The following SIPA1L3 variants were observed in gnomAD, a reference collection of about 807,000 sequenced individuals.
SIPA1L3 encodes signal-induced proliferation-associated 1-like protein 3.
Under a neutral mutation model 150.1 loss-of-function variants are expected in SIPA1L3, and 59 were observed. That is an observed-to-expected ratio of 0.39 (90% CI 0.32 to 0.49). The LOEUF is 0.49. Ranked by LOEUF, SIPA1L3 falls within the 20% of genes least tolerant of loss-of-function variation. SIPA1L3 has a pLI of 0.86. For missense variants in SIPA1L3, 2,211 were observed against 2,489.5 expected, an observed-to-expected ratio of 0.89 and a Z score of 2.38; for synonymous variants, 1,070 against 1,077.6, an observed-to-expected ratio of 0.99 and a Z score of 0.14.
At chr19:38,087,805 T>G (rs1600047491) in intron 3 of SIPA1L3, 1 of 152,120 alleles carries the variant, frequency 6.6e-6, no homozygotes, top group African/African-American at 2.4e-5. Flanking sequence ...GATCACAAGG[T>G]CAGGAGATCG....
chr19:38,036,272 G>A (rs1269573502), intron 2 of SIPA1L3, among the ~76,000 whole-genome samples: 1 of 152,262 alleles, frequency 6.6e-6, no homozygotes, highest in African/African-American at 2.4e-5. Flanking sequence ...TCGGAGGGAA[G>A]GTTGTCAGCC....
chr19:38,173,204 AG>A, intron 15 of SIPA1L3, among the ~76,000 whole-genome samples: 1 of 152,372 alleles, frequency 6.6e-6, no homozygotes, highest in Non-Finnish European at 1.5e-5. Flanking sequence ...GATGGTGGTC[AG>A]CATTCAAAGG....
intron 2 of SIPA1L3, among the ~76,000 whole-genome samples, chr19:38,060,365 T>A (rs1969420333): frequency 6.6e-6 from 1 of 152,242 alleles, no homozygotes; most frequent in Non-Finnish European, 1.5e-5. Flanking sequence ...TATTTGTACA[T>A]TTTGTTTAAT....
intron 1 of SIPA1L3, among the ~76,000 whole-genome samples, chr19:37,995,851 G>A (rs1407009501): frequency 6.6e-6 from 1 of 152,244 alleles, no homozygotes; most frequent in Non-Finnish European, 1.5e-5. Flanking sequence ...CGCTCTGCCA[G>A]CAGGCTGGAG....
chr19:37,930,787 G>T (rs956592458), intron 1 of SIPA1L3, among the ~76,000 whole-genome samples: 8 of 152,072 alleles, frequency 5.3e-5, no homozygotes, highest in Non-Finnish European at 8.8e-5. Flanking sequence ...GTTGTTGGGA[G>T]GATTCGAATG....
intron 2 of SIPA1L3, among the ~76,000 whole-genome samples, chr19:38,074,220 G>C (rs1969786507): frequency 1.3e-5 from 2 of 152,350 alleles, no homozygotes; most frequent in Non-Finnish European, 2.9e-5. Context: ...CTCGACTGCA[G>C]CTGCTAGGAG....
At chr19:38,099,460 TAC>T (rs1970452278) in intron 4 of SIPA1L3, among the ~76,000 whole-genome samples, 1 of 151,814 alleles carries the variant, frequency 6.6e-6, no homozygotes, top group Non-Finnish European at 1.5e-5. Flanking sequence ...GTGTACATAA[TAC>T]AGTGTTACTG....
chr19:38,119,737 T>A lies in SIPA1L3; in HGVS notation c.2723T>A (p.Val908Glu). The change falls in exon 9 of 22, where the codon GTG (valine) becomes GAG (glutamate). Residue 908 changes from valine (V) to glutamate (E), a missense_variant. Coordinates refer to ENST00000222345, the MANE Select transcript of SIPA1L3 (RefSeq NM_015073.3). ...VLLDLRTKEV[V>E]FNCYCGDVIG... ...CTGGACTTACGCACCAAGGAGGTGG[T>A]GTTCAACTGCTACTGCGGGGATGTC... The A allele has an allele frequency of 6.2e-7, 1 of 1,614,074 alleles. No homozygotes were observed. The highest frequency in any genetic ancestry group is 8.5e-7 in the Non-Finnish European group (1 of 1,180,016).
intron 3 of SIPA1L3, among the ~76,000 whole-genome samples, chr19:38,086,307 G>T (rs559484590): frequency 1.3e-5 from 2 of 151,970 alleles, no homozygotes; most frequent in African/African-American, 4.8e-5. Flanking sequence ...TGTTAGGCAG[G>T]TAGGAAGTAC....
chr19:38,138,908 A>AAAAAAAAAAAAC (rs1226989586), intron 10 of SIPA1L3, among the ~76,000 whole-genome samples: 1 of 145,060 alleles, frequency 6.9e-6, no homozygotes, highest in African/African-American at 2.6e-5. Context: ...AAAAAAAAAA[A>AAAAAAAAAAAAC]AAAAAAACTG....
At chr19:37,916,976 G>A (rs548341718) in intron 1 of SIPA1L3, among the ~76,000 whole-genome samples, 1 of 151,804 alleles carries the variant, frequency 6.6e-6, no homozygotes, top group Admixed American at 6.6e-5. Context: ...AAAAAATGTG[G>A]GTCACTGATG....
chr19:38,073,536 C>T (rs1223920597), intron 2 of SIPA1L3, among the ~76,000 whole-genome samples: 1 of 152,234 alleles, frequency 6.6e-6, no homozygotes, highest in Non-Finnish European at 1.5e-5. Flanking sequence ...TACAGTTCCC[C>T]AGCTGCCCTC....
intron 4 of SIPA1L3, among the ~76,000 whole-genome samples, chr19:38,098,251 A>C (rs1970423028): frequency 6.6e-6 from 1 of 152,208 alleles, no homozygotes; most frequent in African/African-American, 2.4e-5. Flanking sequence ...GTCTGGACGT[A>C]GGCAGCTGCA....
intron 4 of SIPA1L3, among the ~76,000 whole-genome samples, chr19:38,092,852 ATTT>A (rs56232582): frequency 1.3e-4 from 15 of 115,918 alleles, no homozygotes; most frequent in South Asian, 2.8e-4. Flanking sequence ...AGGTGCTTAG[ATTT>A]TTTTTTTTTT....
intron 15 of SIPA1L3, among the ~76,000 whole-genome samples, chr19:38,166,836 G>T (rs1403943047): frequency 6.6e-6 from 1 of 151,612 alleles, no homozygotes; most frequent in Admixed American, 6.6e-5. Context: ...TCAAACCCCA[G>T]CCTCTCTCCA....
intron 9 of SIPA1L3, among the ~76,000 whole-genome samples, chr19:38,121,635 AGGCTG>A (rs1420678526): frequency 6.6e-6 from 1 of 152,032 alleles, no homozygotes; most frequent in Non-Finnish European, 1.5e-5. Flanking sequence ...GCTACTCGGG[AGGCTG>A]AGGCAGGAGA....
chr19:37,909,895 G>A (rs927703363), intron 1 of SIPA1L3, among the ~76,000 whole-genome samples: 36 of 151,788 alleles, frequency 2.4e-4, no homozygotes, highest in Middle Eastern at 3.2e-3. Flanking sequence ...GATAGAAACC[G>A]GTGGCCTCAA....
intron 2 of SIPA1L3, among the ~76,000 whole-genome samples, chr19:38,044,701 T>G (rs1969012424): frequency 6.6e-6 from 1 of 152,102 alleles, no homozygotes; most frequent in Admixed American, 6.5e-5. Flanking sequence ...CTTCATGGAT[T>G]GGGGAGAGGT....
At chr19:37,929,210 C>T (rs2046531943) in intron 1 of SIPA1L3, among the ~76,000 whole-genome samples, 1 of 152,114 alleles carries the variant, frequency 6.6e-6, no homozygotes, top group African/African-American at 2.4e-5. Flanking sequence ...GGGGCTGGAG[C>T]CGGGGCCAGC....
Sources: gnomAD v4.1 joint callset for allele counts (sites outside exome capture counted in the v4.1 genomes callset) on GRCh38, gnomAD v4.1.1 for gene constraint, MANE v1.5 for transcripts, NCBI Gene and HGNC (gene_info 2026-07-23, HGNC 2026-07-21) for gene names.